Variants in DPP10 observed in about 807,000 individuals in gnomAD.
The protein encoded by DPP10 is inactive dipeptidyl peptidase 10.
DPP10 carries 33 observed loss-of-function variants against 120.9 expected under a neutral mutation model. The ratio of observed to expected loss-of-function variants is 0.27; its 90% CI spans 0.21 to 0.37. DPP10 has a LOEUF of 0.37. DPP10 is among the 10% of genes least tolerant of loss of function. The probability of loss-of-function intolerance (pLI) is 1.00; values close to 1 mark genes in which losing one functional copy is unlikely to be tolerated. For missense variants in DPP10, 816 were observed against 942.8 expected (o/e 0.87, Z 1.76); for synonymous variants, 337 against 326.1 (o/e 1.03, Z -0.36).
intron 1 of DPP10, among the ~76,000 whole-genome samples, chr2:114,750,576 G>T (rs907762297): frequency 6.6e-6 from 1 of 151,918 alleles, no homozygotes; most frequent in Non-Finnish European, 1.5e-5. Context: ...CTCGTGATCC[G>T]CCCGCCTCAG....
chr2:115,590,699 G>A (rs895067894), intron 5 of DPP10, among the ~76,000 whole-genome samples: 1 of 152,136 alleles, frequency 6.6e-6, no homozygotes, highest in African/African-American at 2.4e-5. Flanking sequence ...GGGATGGTTG[G>A]GTCAAATGGT....
intron 1 of DPP10, among the ~76,000 whole-genome samples, chr2:114,464,487 T>C (rs1003597832): frequency 1.3e-5 from 2 of 152,326 alleles, no homozygotes; most frequent in Middle Eastern, 3.4e-3. Context: ...TAAAGAAATA[T>C]TTCAGATACA....
intron 5 of DPP10, among the ~76,000 whole-genome samples, chr2:115,633,076 A>T (rs1165155247): frequency 6.6e-6 from 1 of 152,222 alleles, no homozygotes; most frequent in Non-Finnish European, 1.5e-5. Flanking sequence ...CCATCCCATT[A>T]CTGGGTATAT....
At chr2:115,179,058 A>T (rs534470397) in intron 1 of DPP10, among the ~76,000 whole-genome samples, 2 of 152,318 alleles carry the variant, frequency 1.3e-5, no homozygotes, top group South Asian at 4.1e-4. Context: ...TATCCCCAGC[A>T]TTAGACTCAA....
At chr2:115,741,929 G>C (rs1219048539) in intron 9 of DPP10, among the ~76,000 whole-genome samples, 1 of 152,094 alleles carries the variant, frequency 6.6e-6, no homozygotes, top group East Asian at 1.9e-4. Flanking sequence ...TAATTCAGAA[G>C]ATACTGGATA....
intron 1 of DPP10, among the ~76,000 whole-genome samples, chr2:114,545,093 G>A (rs910919900): frequency 1.3e-4 from 20 of 152,098 alleles, no homozygotes; most frequent in Admixed American, 6.5e-4. Context: ...CTCGTGATCC[G>A]CCCACTTCAG....
intron 1 of DPP10, among the ~76,000 whole-genome samples, chr2:115,222,219 G>C (rs906068910): frequency 1.3e-5 from 2 of 152,010 alleles, no homozygotes; most frequent in Non-Finnish European, 2.9e-5. Context: ...CTCACCCAAA[G>C]GTACTAAAAT....
intron 1 of DPP10, among the ~76,000 whole-genome samples, chr2:115,088,750 C>CAAAAAAAAAAAAAAAA (rs70941027): frequency 4.6e-5 from 3 of 65,026 alleles, no homozygotes; most frequent in African/African-American, 5.6e-5. Flanking sequence ...CTGTGCCTGA[C>CAAAAAAAAAAAAAAAA]AAAAAAAAAA....
intron 5 of DPP10, among the ~76,000 whole-genome samples, chr2:115,666,839 C>T (rs1211106592): frequency 6.6e-6 from 1 of 152,094 alleles, no homozygotes; most frequent in African/African-American, 2.4e-5. Flanking sequence ...TAAATTGCCT[C>T]CCACAGTGTC....
chr2:115,819,046 G>T (rs1687548966), intron 21 of DPP10, among the ~76,000 whole-genome samples: 1 of 152,058 alleles, frequency 6.6e-6, no homozygotes, highest in African/African-American at 2.4e-5. Flanking sequence ...TTCTTGAAAT[G>T]CACTGATTTC....
At chr2:114,534,804 T>G (rs1263655589) in intron 1 of DPP10, among the ~76,000 whole-genome samples, 1 of 152,146 alleles carries the variant, frequency 6.6e-6, no homozygotes, top group Non-Finnish European at 1.5e-5. Context: ...GTGGTCTACC[T>G]GATTCTTAGA....
At chr2:115,249,414 C>G (rs1353498765) in intron 1 of DPP10, among the ~76,000 whole-genome samples, 1 of 152,078 alleles carries the variant, frequency 6.6e-6, no homozygotes, top group Non-Finnish European at 1.5e-5. Flanking sequence ...ACATAAATCA[C>G]GTGGTAGAAG....
At chr2:115,836,833 G>A in intron 24 of DPP10, 87 bp downstream of exon 24, 2 of 1,242,166 alleles carry the variant, frequency 1.6e-6, no homozygotes, top group South Asian at 3.0e-5. Flanking sequence ...AGGAAGCCCT[G>A]TAAACCTTCT....
chr2:115,268,907 T>C (rs1384734463), intron 1 of DPP10, among the ~76,000 whole-genome samples: 1 of 66,798 alleles, frequency 1.5e-5, no homozygotes, highest in Non-Finnish European at 3.8e-5. Context: ...CCCAGCACTT[T>C]AGGAGGCCGA....
At chr2:114,868,325 T>G (rs1447485635) in intron 1 of DPP10, among the ~76,000 whole-genome samples, 1 of 120,244 alleles carries the variant, frequency 8.3e-6, no homozygotes, top group East Asian at 3.0e-4. Context: ...TACAATTGAT[T>G]TAAAAAGTAG....
At chr2:115,055,428 A>G (rs1027077002) in intron 1 of DPP10, among the ~76,000 whole-genome samples, 1 of 152,144 alleles carries the variant, frequency 6.6e-6, no homozygotes, top group South Asian at 2.1e-4. Context: ...TTCATTTCCA[A>G]TGAGGGTAGA....
chr2:115,654,758 A>G (rs565817178), intron 5 of DPP10, among the ~76,000 whole-genome samples: 1 of 151,968 alleles, frequency 6.6e-6, no homozygotes, highest in African/African-American at 2.4e-5. Context: ...ACCAATCAAT[A>G]TCTCTCAGTC....
chr2:114,831,159 A>G (rs1687084137), intron 1 of DPP10, among the ~76,000 whole-genome samples: 1 of 150,088 alleles, frequency 6.7e-6, no homozygotes, highest in African/African-American at 2.4e-5. Flanking sequence ...GGGAAATAAA[A>G]TGTATTAATG....
At chr2:115,186,904 A>G (rs1373410858) in intron 1 of DPP10, among the ~76,000 whole-genome samples, 1 of 151,832 alleles carries the variant, frequency 6.6e-6, no homozygotes, top group Non-Finnish European at 1.5e-5. Context: ...GAATAGTTAT[A>G]TGCTAGGGTA....
Sources: gnomAD v4.1 joint callset for allele counts (sites outside exome capture counted in the v4.1 genomes callset) on GRCh38, gnomAD v4.1.1 for gene constraint, MANE v1.5 for transcripts, NCBI Gene and HGNC (gene_info 2026-07-23, HGNC 2026-07-21) for gene names.